The following TTC27 variants were observed in gnomAD, a reference collection of about 807,000 sequenced individuals.
TTC27 encodes tetratricopeptide repeat protein 27.
A neutral mutation model predicts 115.9 loss-of-function variants in TTC27; 79 were observed. The observed-to-expected ratio is 0.68, with a 90% CI of 0.57 to 0.82. The LOEUF (loss-of-function observed/expected upper bound fraction) is 0.82. Among genes scored for constraint, TTC27 ranks in the 40% least tolerant of loss-of-function variants. The probability of loss-of-function intolerance (pLI) is 0.00; values close to 1 mark genes in which losing one functional copy is unlikely to be tolerated. For missense variants in TTC27, 1,054 were observed against 993.1 expected, an observed-to-expected ratio of 1.06 and a Z score of -0.82; for synonymous variants, 401 against 356.0, an observed-to-expected ratio of 1.13 and a Z score of -1.42.
At chr2:32,768,892 T>C (rs575291111) in intron 13 of TTC27, among the ~76,000 whole-genome samples, 2 of 152,256 alleles carry the variant, frequency 1.3e-5, no homozygotes, top group South Asian at 4.1e-4. Context: ...TTGATAGCCA[T>C]AGGGATTTAG....
intron 8 of TTC27, among the ~76,000 whole-genome samples, chr2:32,676,666 G>T (rs187550461): frequency 0.017 from 2,536 of 151,372 alleles, 30 homozygotes; most frequent in Middle Eastern, 0.028. Flanking sequence ...AATTTTTGTA[G>T]TTTTAGTAGA....
chr2:32,733,959 C>T, intron 11 of TTC27, 36 bp downstream of exon 11: 1 of 1,402,508 alleles, frequency 7.1e-7, no homozygotes, highest in Non-Finnish European at 1.0e-6. Context: ...ATGGAAATTA[C>T]TTGGCATTAG....
At chr2:32,688,003 T>G (rs555562068) in intron 9 of TTC27, among the ~76,000 whole-genome samples, 8 of 152,280 alleles carry the variant, frequency 5.3e-5, no homozygotes, top group African/African-American at 1.9e-4. Context: ...TTCAAATGCT[T>G]ATGGTAAGTG....
intron 16 of TTC27, among the ~76,000 whole-genome samples, chr2:32,791,058 A>G (rs368694913): frequency 1.3e-5 from 2 of 152,314 alleles, no homozygotes; most frequent in East Asian, 1.9e-4. Flanking sequence ...ATGCTTTTCT[A>G]TAATAGCACT....
chr2:32,736,955 A>C, intron 12 of TTC27, 139 bp downstream of exon 12: 1 of 1,244,560 alleles, frequency 8.0e-7, no homozygotes, highest in South Asian at 1.6e-5. Context: ...AAAACTTTTA[A>C]ATGTTTTCTC....
At chr2:32,745,446 C>T (rs1408610373) in intron 12 of TTC27, among the ~76,000 whole-genome samples, 1 of 152,140 alleles carries the variant, frequency 6.6e-6, no homozygotes, top group Admixed American at 6.6e-5. Flanking sequence ...TCTGCCATCT[C>T]ATCTGATAGG....
At chr2:32,803,725 G>T (rs1445284990) in intron 16 of TTC27, among the ~76,000 whole-genome samples, 1 of 152,180 alleles carries the variant, frequency 6.6e-6, no homozygotes, top group South Asian at 2.1e-4. Flanking sequence ...AGAAAAAAAT[G>T]TAGGCCGGGC....
At chr2:32,666,296 G>C (rs556174493) in intron 6 of TTC27, among the ~76,000 whole-genome samples, 4 of 151,050 alleles carry the variant, frequency 2.6e-5, no homozygotes, top group African/African-American at 9.7e-5. Context: ...TAGAACTTTT[G>C]TTTCTGTCAT....
chr2:32,634,719 C>T (rs553818645), intron 3 of TTC27, among the ~76,000 whole-genome samples: 8 of 151,840 alleles, frequency 5.3e-5, no homozygotes, highest in East Asian at 3.9e-4. Context: ...TACAATGGCG[C>T]GATCTCAGCT....
chr2:32,793,680 G>A (rs1265839347), intron 16 of TTC27, among the ~76,000 whole-genome samples: 6 of 151,874 alleles, frequency 4.0e-5, no homozygotes, highest in Non-Finnish European at 7.4e-5. Context: ...CTGCCACCAC[G>A]CCCGGCTAAT....
Position 32,701,951 on chromosome 2 carries a change from T to C in TTC27, c.1120-856T>C, listed in dbSNP as rs796427761. 1.2e-4 allele frequency among the ~76,000 whole-genome samples: 18 copies of C among 150,330 alleles called. 1 individual carries two copies. Among genetic ancestry groups the C allele is most frequent in the African/African-American group, 4.4e-4 (18 of 40,814 alleles). On this transcript the variant is annotated intron_variant, in intron 9 of 19. Transcript: ENST00000317907. ...GCATGAGCTCAGGAAGCCGAAGCTG[T>C]AGCTTGCCATGATCATGCCACTGCA...
At chr2:32,773,216 A>C (rs749693569) in intron 13 of TTC27, among the ~76,000 whole-genome samples, 3 of 152,200 alleles carry the variant, frequency 2.0e-5, no homozygotes, top group South Asian at 2.1e-4. Flanking sequence ...TATTGGCTGC[A>C]TACAGCCAGC....
At chr2:32,772,335 T>A (rs1427132081) in intron 13 of TTC27, among the ~76,000 whole-genome samples, 1 of 152,192 alleles carries the variant, frequency 6.6e-6, no homozygotes, top group African/African-American at 2.4e-5. Flanking sequence ...TTGAACTGAT[T>A]TCTAAGGTCT....
chr2:32,693,644 G>A (rs921500689), intron 9 of TTC27, among the ~76,000 whole-genome samples: 2 of 152,076 alleles, frequency 1.3e-5, no homozygotes, highest in African/African-American at 4.8e-5. Context: ...ATACCTCTAG[G>A]AAAAATGGGC....
At chr2:32,717,901 C>T (rs554259232) in intron 10 of TTC27, among the ~76,000 whole-genome samples, 2 of 152,110 alleles carry the variant, frequency 1.3e-5, no homozygotes, top group Non-Finnish European at 1.5e-5. Flanking sequence ...CCGATCCCAG[C>T]GCTACCATAT....
At chr2:32,756,227 C>T (rs1326701429) in intron 12 of TTC27, among the ~76,000 whole-genome samples, 4 of 152,214 alleles carry the variant, frequency 2.6e-5, no homozygotes, top group African/African-American at 4.8e-5. Context: ...TCTGGGGTGA[C>T]GTGGGTACCA....
intron 12 of TTC27, among the ~76,000 whole-genome samples, chr2:32,757,737 G>C (rs1208568654): frequency 6.6e-6 from 1 of 151,730 alleles, no homozygotes; most frequent in Non-Finnish European, 1.5e-5. Flanking sequence ...TTGTTGTCCA[G>C]GCTGGAGTGC....
chr2:32,653,897 T>C (rs921483846), intron 5 of TTC27, among the ~76,000 whole-genome samples: 2 of 152,370 alleles, frequency 1.3e-5, no homozygotes, highest in African/African-American at 4.8e-5. Context: ...ATATGCCTAA[T>C]GTAAACCTTG....
intron 5 of TTC27, among the ~76,000 whole-genome samples, chr2:32,655,933 A>T (rs994919804): frequency 1.3e-5 from 2 of 152,166 alleles, no homozygotes; most frequent in Non-Finnish European, 2.9e-5. Flanking sequence ...TCAGTTCCTC[A>T]GTTTCACTAG....
Sources: gnomAD v4.1 joint callset for allele counts (sites outside exome capture counted in the v4.1 genomes callset) on GRCh38, gnomAD v4.1.1 for gene constraint, MANE v1.5 for transcripts, NCBI Gene and HGNC (gene_info 2026-07-23, HGNC 2026-07-21) for gene names.